PPP1R14A: variants seen among roughly 807,000 people sequenced by gnomAD.
PPP1R14A encodes protein phosphatase 1 regulatory subunit 14A.
In PPP1R14A, 9 loss-of-function variants were observed where a neutral mutation model predicts 14.1. The ratio of observed to expected loss-of-function variants is 0.64; its 90% CI spans 0.38 to 1.11. PPP1R14A has a LOEUF of 1.11. Ranked by LOEUF, PPP1R14A falls within the 50% of genes most tolerant of loss-of-function variation. The probability of loss-of-function intolerance (pLI) is 0.01; values close to 1 mark genes in which losing one functional copy is unlikely to be tolerated. For missense variants in PPP1R14A, 208 were observed against 200.7 expected, an observed-to-expected ratio of 1.04 and a Z score of -0.22; for synonymous variants, 93 against 88.7, an observed-to-expected ratio of 1.05 and a Z score of -0.27.
intron 1 of PPP1R14A, among the ~76,000 whole-genome samples, chr19:38,255,897 G>A (rs1968242034): frequency 6.6e-6 from 1 of 151,622 alleles, no homozygotes; most frequent in Non-Finnish European, 1.5e-5. Context: ...CCCTCCACAG[G>A]CGTTTGGACA....
At position 38,252,204 on chromosome 19, in the gene PPP1R14A, C is replaced by T. The variant is rs1270282611; in HGVS notation, c.315+102G>A. On this transcript the variant is annotated intron_variant, in intron 3 of 3. Coordinates refer to ENST00000301242, the MANE Select transcript of PPP1R14A (RefSeq NM_033256.3). The surrounding 1 kb of genome is among the most constrained non-coding windows in gnomAD (Gnocchi z 4.1). ...CAGGTTGGGGCCGGGGGTGGTGGGG[C>T]CGGGTGGTGTTCCCCAGAGACCCTT... 6 of 1,163,042 alleles carry T rather than the reference C, an allele frequency of 5.2e-6. No individual in the cohort carries two copies. The highest frequency in any genetic ancestry group is 6.3e-6 in the Non-Finnish European group (5 of 798,470). The allele number at this position is 1,163,042 out of a possible 1,614,324, so 72.0% of individuals were successfully genotyped here.
chr19:38,255,631 C>A, intron 1 of PPP1R14A, among the ~76,000 whole-genome samples: 1 of 140,920 alleles, frequency 7.1e-6, no homozygotes, highest in Non-Finnish European at 1.6e-5. Context: ...GACCCCCCCC[C>A]AGCCCCCGCT....
intron 1 of PPP1R14A, chr19:38,253,216 G>A (rs770803130): frequency 1.5e-5 from 7 of 479,462 alleles, no homozygotes; most frequent in South Asian, 5.3e-5. Context: ...CATGGGCCCC[G>A]GGAGCCTCGG....
intron 1 of PPP1R14A, among the ~76,000 whole-genome samples, chr19:38,254,497 G>T (rs901713527): frequency 2.6e-5 from 4 of 151,830 alleles, no homozygotes; most frequent in African/African-American, 9.7e-5. Context: ...TAGAGACAGG[G>T]TTTCACCATG....
In PPP1R14A at chr19:38,256,075, C is replaced by T; in HGVS notation, c.201+64G>A. 2.1e-6 allele frequency: 3 copies of T among 1,421,104 alleles called. No homozygotes were observed. Among genetic ancestry groups the T allele is most frequent in the South Asian group, 1.3e-5 (1 of 74,866 alleles). 88.0% of individuals were successfully genotyped at this position (1,421,104 alleles called of 1,614,324 possible). A position where few individuals can be genotyped will look rare whatever the true frequency, so the allele number is the denominator to read the frequency against. On this transcript the variant is annotated intron_variant, in intron 1 of 3. Coordinates refer to ENST00000301242, the MANE Select transcript of PPP1R14A (RefSeq NM_033256.3). The surrounding 1 kb of genome is among the most constrained non-coding windows in gnomAD (Gnocchi z 5.7). ...CGAGTGTGCACCGAGACCCCAAGGG[C>T]GTGGGGTCTCCGCGCCCGGGCTCTA...
chr19:38,253,180 C>A, intron 1 of PPP1R14A: 1 of 561,998 alleles, frequency 1.8e-6, no homozygotes. Flanking sequence ...AGCCCCGGGG[C>A]CCTGTACCAG....
Position 38,251,400 on chromosome 19 carries a change from T to G in PPP1R14A, c.362A>C (p.Gln121Pro). 1 of 1,561,840 alleles carries G rather than the reference T, an allele frequency of 6.4e-7. No individual in the cohort carries two copies. Among genetic ancestry groups the G allele is most frequent in the Non-Finnish European group, 8.6e-7 (1 of 1,162,320 alleles). ...LLAKLQGLHR[Q>P]PGLRQPSPSH... is the part of the protein sequence containing the mutation. Reference sequence around the variant, plus strand: ...GGGGCTTGGCTGGCGGAGGCCGGGCTGCCTGTGGAGGCCTTGAAGCTTTGC... The same window carrying G: ...GGGGCTTGGCTGGCGGAGGCCGGGCGGCCTGTGGAGGCCTTGAAGCTTTGC... Residue 121 changes from glutamine (Q) to proline (P), a missense_variant, in exon 4 of 4, where the codon CAG (glutamine) becomes CCG (proline). Physicochemically the swap from Gln to Pro is moderately conservative, Grantham distance 76. Coordinates refer to ENST00000301242, the MANE Select transcript of PPP1R14A (RefSeq NM_033256.3).
At chr19:38,253,511 C>T (rs60097656) in intron 1 of PPP1R14A, among the ~76,000 whole-genome samples, 8 of 152,236 alleles carry the variant, frequency 5.3e-5, no homozygotes, top group African/African-American at 9.6e-5. Context: ...AAGGGAGGAC[C>T]ACCGAGGCCC....
At position 38,252,656 on chromosome 19, in the gene PPP1R14A, C is replaced by T. The variant is rs60163114; in HGVS notation, c.282+238G>A. Among the ~76,000 whole-genome samples the T allele has an allele frequency of 0.057, 8,661 of 152,172 alleles. 260 individuals are homozygous for T. Among genetic ancestry groups the T allele is most frequent in the Admixed American group, 0.077 (1,177 of 15,270 alleles). ...GATGCCCAGCTCTGCTCCTTCTGAG[C>T]TGTGTGACACTGGGCAAGGGATTCA... On this transcript the variant is annotated intron_variant, in intron 2 of 3. Transcript: ENST00000301242. This position sits in a 1 kb window ranked among gnomAD's most constrained non-coding sequence, Gnocchi z 4.1.
In PPP1R14A at chr19:38,251,285, C is replaced by T. The variant is rs184912649; in HGVS notation, c.*33G>A. The T allele has an allele frequency of 4.7e-5, 67 of 1,421,392 alleles. No individual in the cohort carries two copies. The highest frequency in any genetic ancestry group is 2.2e-4 in the Admixed American group (6 of 27,070). The allele number at this position is 1,421,392 out of a possible 1,614,324, so 88.0% of individuals were successfully genotyped here. A position where few individuals can be genotyped will look rare whatever the true frequency, so the allele number is the denominator to read the frequency against. ...ACAACTTATACACAAGCAAGCTGGGCGGCGTCCGGGGGGCAGGGAGAGTGC... is the reference window on the plus strand; with the variant it reads ...ACAACTTATACACAAGCAAGCTGGGTGGCGTCCGGGGGGCAGGGAGAGTGC... On this transcript the variant is annotated 3_prime_UTR_variant, in exon 4 of 4. Transcript: ENST00000301242.
chr19:38,251,287 G>A lies in PPP1R14A; in HGVS notation c.*31C>T. ...AACTTATACACAAGCAAGCTGGGCGGCGTCCGGGGGGCAGGGAGAGTGCAA... is the reference window on the plus strand; with the variant it reads ...AACTTATACACAAGCAAGCTGGGCGACGTCCGGGGGGCAGGGAGAGTGCAA... On this transcript the variant is annotated 3_prime_UTR_variant, in exon 4 of 4. Transcript: ENST00000301242. The A allele has an allele frequency of 7.0e-7, 1 of 1,428,288 alleles. No homozygotes were observed. Among genetic ancestry groups the A allele is most frequent in the Non-Finnish European group, 9.1e-7 (1 of 1,098,450 alleles). 88.5% of individuals were successfully genotyped at this position (1,428,288 alleles called of 1,614,324 possible).
In PPP1R14A at chr19:38,252,190, C is replaced by T. The variant is rs147405238; in HGVS notation, c.315+116G>A. On this transcript the variant is annotated intron_variant, in intron 3 of 3. Transcript: ENST00000301242. This position sits in a 1 kb window ranked among gnomAD's most constrained non-coding sequence, Gnocchi z 4.1. ...AGAGCTGCGGAGGGCAGGTTGGGGC[C>T]GGGGGTGGTGGGGCCGGGTGGTGTT... The T allele has an allele frequency of 0.021, 18,484 of 886,284 alleles. 222 individuals are homozygous for T. The highest frequency in any genetic ancestry group is 0.038 in the Middle Eastern group (110 of 2,888). 54.9% of individuals were successfully genotyped at this position (886,284 alleles called of 1,614,324 possible).
intron 1 of PPP1R14A, 83 bp from the exon 2 acceptor site, chr19:38,253,057 G>A (rs750379170): frequency 5.3e-5 from 56 of 1,060,174 alleles, no homozygotes; most frequent in Non-Finnish European, 7.3e-5. Flanking sequence ...GAGCCCCACC[G>A]GCCCCAGGGC....
At chr19:38,255,628 C>A (rs1212202590) in intron 1 of PPP1R14A, among the ~76,000 whole-genome samples, 1 of 139,560 alleles carries the variant, frequency 7.2e-6, no homozygotes, top group Non-Finnish European at 1.6e-5. Flanking sequence ...GGTGACCCCC[C>A]CCCAGCCCCC....
Position 38,252,809 on chromosome 19 carries a change from G to A in PPP1R14A, c.282+85C>T, listed in dbSNP as rs998757629. The A allele has an allele frequency of 1.0e-6, 1 of 997,354 alleles. No individual in the cohort carries two copies. The highest frequency in any genetic ancestry group is 1.6e-6 in the Non-Finnish European group (1 of 621,376). 61.8% of individuals were successfully genotyped at this position (997,354 alleles called of 1,614,324 possible). A position where few individuals can be genotyped will look rare whatever the true frequency, so the allele number is the denominator to read the frequency against. ...ATCACACCAGTGCCCGGCATCTAGT[G>A]AGCACTCAGTAAACACGTGAACTAT... On this transcript the variant is annotated intron_variant, in intron 2 of 3. Transcript: ENST00000301242. This position sits in a 1 kb window ranked among gnomAD's most constrained non-coding sequence, Gnocchi z 4.1.
intron 1 of PPP1R14A, chr19:38,253,194 G>A (rs1600317350): frequency 5.8e-6 from 3 of 519,020 alleles, no homozygotes; most frequent in East Asian, 6.6e-5. Flanking sequence ...GTACCAGCCC[G>A]ATGCCTGGGC....
Position 38,252,951 on chromosome 19 carries a change from G to T in PPP1R14A, c.225C>A (p.Ile75=), listed in dbSNP as rs10993. ...CTAACTCCAACAATTCATCAATGTT[G>T]ATCTCATCGGGCATGTCTGCCTCCT... ...RGMEADMPDE[I]NIDELLELES... is the part of the protein sequence containing the mutation. Residue 75 remains isoleucine, a synonymous_variant, in exon 2 of 4, where the codon ATC becomes ATA. Coordinates refer to ENST00000301242, the MANE Select transcript of PPP1R14A (RefSeq NM_033256.3). The surrounding 1 kb of genome is among the most constrained non-coding windows in gnomAD (Gnocchi z 4.1). 84,663 of 1,612,422 alleles carry T rather than the reference G, an allele frequency of 0.053. 2,422 individuals carry two copies. The highest frequency in any genetic ancestry group is 0.089 in the Admixed American group (5,359 of 60,020).
At position 38,251,334 on chromosome 19, in the gene PPP1R14A, C is replaced by G. The variant is rs147428443; in HGVS notation, c.428G>C (p.Arg143Pro). 38 of 1,521,684 alleles carry G rather than the reference C, an allele frequency of 2.5e-5. No homozygotes were observed. In the African/African-American group the frequency reaches 5.1e-4, roughly 20 times the overall value. 94.3% of individuals were successfully genotyped at this position (1,521,684 alleles called of 1,614,324 possible). Reference protein sequence around the residue: ...GSLSPLQDRARTAHP With the variant: ...GSLSPLQDRAPTAHP ...GCAAGAGGGTCAGGGGTGAGCAGTCCGGGCCCGGTCCTGGAGGGGGCTGAG... is the reference window on the plus strand; with the variant it reads ...GCAAGAGGGTCAGGGGTGAGCAGTCGGGGCCCGGTCCTGGAGGGGGCTGAG... The change falls in exon 4 of 4, where the codon CGG becomes CCG. Residue 143 changes from arginine (R) to proline (P), a missense_variant. Physicochemically the swap from Arg to Pro is moderately radical, Grantham distance 103. Coordinates refer to ENST00000301242, the MANE Select transcript of PPP1R14A (RefSeq NM_033256.3).
chr19:38,254,710 G>A (rs1162124017), intron 1 of PPP1R14A, among the ~76,000 whole-genome samples: 1 of 152,256 alleles, frequency 6.6e-6, no homozygotes. Flanking sequence ...ACATGTAGCT[G>A]TGGCTTAGGC....
Sources: gnomAD v4.1 joint callset for allele counts (sites outside exome capture counted in the v4.1 genomes callset) on GRCh38, gnomAD v4.1.1 for gene constraint, Gnocchi (gnomAD v3.1) non-coding constraint, MANE v1.5 for transcripts, NCBI Gene and HGNC (gene_info 2026-07-23, HGNC 2026-07-21) for gene names.